Variants in PLPP4 observed in about 807,000 individuals in gnomAD.
The protein encoded by PLPP4 is phospholipid phosphatase 4.
PLPP4 carries 20 observed loss-of-function variants against 32.2 expected under a neutral mutation model. The ratio of observed to expected loss-of-function variants is 0.62; its 90% confidence interval spans 0.44 to 0.90. PLPP4 has a LOEUF of 0.90. Ranked by LOEUF, PLPP4 falls within the 40% of genes least tolerant of loss-of-function variation. The probability of loss-of-function intolerance (pLI) is 0.00; values close to 1 mark genes in which losing one functional copy is unlikely to be tolerated. For missense variants in PLPP4, 257 were observed against 353.1 expected (o/e 0.73, Z 2.18); for synonymous variants, 127 against 133.0 (o/e 0.95, Z 0.31).
At chr10:120,478,211 C>T (rs1243364003) in intron 1 of PLPP4, among the ~76,000 whole-genome samples, 1 of 152,158 alleles carries the variant, frequency 6.6e-6, no homozygotes, top group African/African-American at 2.4e-5. Flanking sequence ...CCAAGGTTTT[C>T]CACGTTTTCA....
At chr10:120,580,645 A>ACG (rs1849455449) in intron 6 of PLPP4, among the ~76,000 whole-genome samples, 1 of 102,050 alleles carries the variant, frequency 9.8e-6, no homozygotes, top group South Asian at 3.4e-4. Flanking sequence ...TGTCTCTTAC[A>ACG]CACACACACA....
At chr10:120,574,469 G>A (rs895517064) in intron 5 of PLPP4, among the ~76,000 whole-genome samples, 1 of 152,122 alleles carries the variant, frequency 6.6e-6, no homozygotes, top group Non-Finnish European at 1.5e-5. Flanking sequence ...ATTTAGCACA[G>A]CCATGAGTTG....
At chr10:120,567,145 T>C (rs560541710) in intron 5 of PLPP4, among the ~76,000 whole-genome samples, 1 of 152,346 alleles carries the variant, frequency 6.6e-6, no homozygotes, top group South Asian at 2.1e-4. Context: ...TTTTAATATT[T>C]CGTCTAACAT....
intron 1 of PLPP4, among the ~76,000 whole-genome samples, chr10:120,487,263 C>T (rs1189737043): frequency 2.0e-5 from 3 of 152,128 alleles, no homozygotes; most frequent in Admixed American, 1.3e-4. Context: ...TTTTGTATTT[C>T]GGTGAGAACA....
intron 5 of PLPP4, among the ~76,000 whole-genome samples, chr10:120,530,988 G>T (rs922674803): frequency 1.3e-5 from 2 of 151,742 alleles, no homozygotes; most frequent in Admixed American, 6.6e-5. Context: ...TATCCTGTTT[G>T]CAAGCCTTCT....
At chr10:120,538,058 G>C (rs1847147131) in intron 5 of PLPP4, among the ~76,000 whole-genome samples, 3 of 113,210 alleles carry the variant, frequency 2.6e-5, no homozygotes, top group African/African-American at 6.7e-5. Context: ...CTCTCTGTGT[G>C]TGTGTGTGTG....
chr10:120,578,576 G>A (rs148636164), intron 6 of PLPP4, among the ~76,000 whole-genome samples: 43 of 152,284 alleles, frequency 2.8e-4, no homozygotes, highest in Non-Finnish European at 4.3e-4. Flanking sequence ...CCAATAAATA[G>A]TCTATAATCT....
chr10:120,476,681 T>C (rs1317186733), intron 1 of PLPP4, among the ~76,000 whole-genome samples: 2 of 152,174 alleles, frequency 1.3e-5, no homozygotes, highest in Non-Finnish European at 2.9e-5. Flanking sequence ...GGAGCCAGAA[T>C]GTGTGGGACT....
chr10:120,580,632 CTCTG>C (rs1849451404), intron 6 of PLPP4, among the ~76,000 whole-genome samples: 1 of 133,380 alleles, frequency 7.5e-6, no homozygotes, highest in African/African-American at 2.9e-5. Flanking sequence ...CTCTGTCTGC[CTCTG>C]TCTCTTACAC....
chr10:120,462,075 T>C (rs72834282), intron 1 of PLPP4, among the ~76,000 whole-genome samples: 6,800 of 152,272 alleles, frequency 0.045, 212 homozygotes, highest in East Asian at 0.14. Flanking sequence ...GGAGGATGCA[T>C]GTGCCAGGGA....
At chr10:120,529,891 C>T (rs190736379) in intron 5 of PLPP4, among the ~76,000 whole-genome samples, 1 of 152,290 alleles carries the variant, frequency 6.6e-6, no homozygotes, top group African/African-American at 2.4e-5. Flanking sequence ...GTTTGAGGCT[C>T]AAGTGAGCTA....
rs140084465 is a variant in PLPP4, at chr10:120,510,398, A to G, written c.166-3513A>G. Among the ~76,000 whole-genome samples the G allele has an allele frequency of 3.5e-3, 532 of 152,280 alleles. 2 individuals are homozygous for G. The highest frequency in any genetic ancestry group is 0.012 in the African/African-American group (502 of 41,554). ...GGATTTGATTCTTTTAAAATTAGCCATGGAAACATTAACAGAAGAGAAAAC... is the reference window on the plus strand; with the variant it reads ...GGATTTGATTCTTTTAAAATTAGCCGTGGAAACATTAACAGAAGAGAAAAC... On this transcript the variant is annotated intron_variant, in intron 2 of 6. Transcript: ENST00000398250.
In PLPP4 at chr10:120,516,379, G is replaced by C. The variant is rs973470021; in HGVS notation, c.256+2378G>C. ...CCAGGTAAACAGTGGCCATGTTTGT[G>C]CATCTGGCATTGGATGAGAGGAGTG... On this transcript the variant is annotated intron_variant, in intron 3 of 6. Coordinates refer to ENST00000398250, the MANE Select transcript of PLPP4 (RefSeq NM_001030059.3). Among the ~76,000 whole-genome samples, 20 of 152,216 alleles carry C rather than the reference G, an allele frequency of 1.3e-4. 1 individual carries two copies. The highest frequency in any genetic ancestry group is 1.0e-4 in the Non-Finnish European group (7 of 68,040).
rs2134095908 is a variant in PLPP4, at chr10:120,590,129, A to G, written c.*627A>G. On this transcript the variant is annotated 3_prime_UTR_variant, in exon 7 of 7. Transcript: ENST00000398250. The stretch of plus-strand genomic sequence containing the variant: ...CAGACTTCCACCAAACACAATGAGC[A>G]TGAAGATGCATGAGTGCATGTGTGG... Among the ~76,000 whole-genome samples the G allele has an allele frequency of 6.6e-6, 1 of 152,370 alleles. No homozygotes were observed. Among genetic ancestry groups the G allele is most frequent in the African/African-American group, 2.4e-5 (1 of 41,590 alleles).
At chr10:120,555,299 G>A (rs1375538137) in intron 5 of PLPP4, among the ~76,000 whole-genome samples, 1 of 152,118 alleles carries the variant, frequency 6.6e-6, no homozygotes, top group African/African-American at 2.4e-5. Flanking sequence ...TAATGTACAA[G>A]CTTACAAATG....
intron 2 of PLPP4, among the ~76,000 whole-genome samples, chr10:120,506,473 C>G (rs533461464): frequency 1.1e-4 from 16 of 152,230 alleles, no homozygotes; most frequent in Non-Finnish European, 2.2e-4. Flanking sequence ...TATAAAATGG[C>G]TTGATTTTCT....
chr10:120,463,487 ATACT>A (rs1175064563), intron 1 of PLPP4, among the ~76,000 whole-genome samples: 1 of 152,190 alleles, frequency 6.6e-6, no homozygotes, highest in Non-Finnish European at 1.5e-5. Context: ...AATGGAGCTA[ATACT>A]TACTTCACTG....
intron 1 of PLPP4, among the ~76,000 whole-genome samples, chr10:120,495,932 A>G (rs1292536081): frequency 6.6e-6 from 1 of 152,144 alleles, no homozygotes; most frequent in Non-Finnish European, 1.5e-5. Context: ...CTTGGAAGGT[A>G]TGGCAGCATC....
intron 1 of PLPP4, among the ~76,000 whole-genome samples, chr10:120,494,772 T>G (rs947771000): frequency 6.6e-6 from 1 of 152,208 alleles, no homozygotes; most frequent in African/African-American, 2.4e-5. Flanking sequence ...TTCATTTCTT[T>G]TTCCACCTCC....
Sources: gnomAD v4.1 joint callset for allele counts (sites outside exome capture counted in the v4.1 genomes callset) on GRCh38, gnomAD v4.1.1 for gene constraint, MANE v1.5 for transcripts, NCBI Gene and HGNC (gene_info 2026-07-23, HGNC 2026-07-21) for gene names.